The following RASA3 variants were observed in gnomAD, a reference collection of about 807,000 sequenced individuals.
The protein encoded by RASA3 is ras GTPase-activating protein 3.
In RASA3, 73 loss-of-function variants were observed where a neutral mutation model predicts 110.0. That is an observed-to-expected ratio of 0.66 (90% CI 0.55 to 0.81). The LOEUF (loss-of-function observed/expected upper bound fraction) is 0.81. RASA3 is among the 30% of genes least tolerant of loss of function. The pLI is 0.00. For missense variants in RASA3, 976 were observed against 1,113.2 expected (o/e 0.88, Z 1.75); for synonymous variants, 500 against 451.4 (o/e 1.11, Z -1.37).
At chr13:114,040,875 C>T (rs1460624500) in intron 4 of RASA3, 125 bp downstream of exon 4, 3 of 879,776 alleles carry the variant, frequency 3.4e-6, no homozygotes, top group Non-Finnish European at 5.4e-6. Context: ...GCAATCTGCT[C>T]ATCGTTATTC....
chr13:114,119,208 G>A (rs2080333063), intron 1 of RASA3, among the ~76,000 whole-genome samples: 1 of 152,202 alleles, frequency 6.6e-6, no homozygotes, highest in African/African-American at 2.4e-5. Context: ...AATGTAGTGA[G>A]AAGTGTTTTT....
At chr13:114,040,283 A>C (rs1295830766) in intron 4 of RASA3, among the ~76,000 whole-genome samples, 1 of 151,752 alleles carries the variant, frequency 6.6e-6, no homozygotes, top group Non-Finnish European at 1.5e-5. Flanking sequence ...CGCCCAACCC[A>C]AAATCCATGG....
chr13:114,110,926 T>C (rs1487688380), intron 1 of RASA3, among the ~76,000 whole-genome samples: 1 of 152,046 alleles, frequency 6.6e-6, no homozygotes, highest in Non-Finnish European at 1.5e-5. Flanking sequence ...GGTCGGGGGC[T>C]GAGCCACGCT....
chr13:113,982,511 G>C (rs533086776), intron 22 of RASA3, among the ~76,000 whole-genome samples: 1 of 152,244 alleles, frequency 6.6e-6, no homozygotes, highest in African/African-American at 2.4e-5. Flanking sequence ...CGCCCCTAGC[G>C]GACAGCCATG....
chr13:114,104,994 CG>C (rs560200999), intron 1 of RASA3, among the ~76,000 whole-genome samples: 1 of 152,060 alleles, frequency 6.6e-6, no homozygotes, highest in Admixed American at 6.5e-5. Flanking sequence ...CCCAGGCTCT[CG>C]GCCCCCCGAG....
chr13:114,111,245 C>G (rs1423553519), intron 1 of RASA3, among the ~76,000 whole-genome samples: 1 of 10,302 alleles, frequency 9.7e-5, no homozygotes, highest in African/African-American at 2.8e-4. Flanking sequence ...CGAGTTCTAA[C>G]GGGCTGAGCC....
chr13:114,055,231 A>G (rs894035219), intron 2 of RASA3, among the ~76,000 whole-genome samples: 1 of 152,234 alleles, frequency 6.6e-6, no homozygotes, highest in Non-Finnish European at 1.5e-5. Context: ...GCATGTGTGC[A>G]TGTTCATGCG....
rs970333503 is a variant in RASA3, at chr13:113,979,176, C to G, written c.*171G>C. 4.8e-6 allele frequency: 3 copies of G among 630,004 alleles called. No homozygotes were observed. The highest frequency in any genetic ancestry group is 8.4e-6 in the Non-Finnish European group (3 of 355,254). The allele number at this position is 630,004 out of a possible 1,614,324, so 39.0% of individuals were successfully genotyped here. The stretch of plus-strand genomic sequence containing the variant: ...GGTGGGCTTTCTGCGGAGGGCGTGG[C>G]GGTGGTGGCAGCGGTTCTGGGAGAG... On this transcript the variant is annotated 3_prime_UTR_variant, in exon 24 of 24. Coordinates refer to ENST00000334062, the MANE Select transcript of RASA3 (RefSeq NM_007368.4).
chr13:114,104,564 G>A (rs1162428923), intron 1 of RASA3, among the ~76,000 whole-genome samples: 1 of 152,168 alleles, frequency 6.6e-6, no homozygotes. Flanking sequence ...TACAGGGCGA[G>A]CATCCGATGC....
intron 18 of RASA3, among the ~76,000 whole-genome samples, chr13:114,004,673 G>A (rs567448955): frequency 1.3e-5 from 2 of 152,202 alleles, no homozygotes; most frequent in Non-Finnish European, 2.9e-5. Flanking sequence ...GGACGTGAGC[G>A]CTTGCACGCT....
chr13:114,113,978 C>T (rs1207091836), intron 1 of RASA3, among the ~76,000 whole-genome samples: 1 of 124,168 alleles, frequency 8.1e-6, no homozygotes, highest in Non-Finnish European at 1.7e-5. Flanking sequence ...CCCACCATGG[C>T]GAGTGATGTC....
intron 1 of RASA3, among the ~76,000 whole-genome samples, chr13:114,102,597 G>A (rs1257789793): frequency 6.6e-6 from 1 of 152,202 alleles, no homozygotes; most frequent in Non-Finnish European, 1.5e-5. Flanking sequence ...CCATTTTGCA[G>A]GAGAAGATGC....
At chr13:114,064,387 C>G (rs779857488) in intron 2 of RASA3, among the ~76,000 whole-genome samples, 15 of 152,186 alleles carry the variant, frequency 9.9e-5, no homozygotes, top group African/African-American at 3.4e-4. Flanking sequence ...AGCTTTCCCC[C>G]CTATGCTGTT....
chr13:114,097,967 G>A (rs2079967674), intron 1 of RASA3, among the ~76,000 whole-genome samples: 1 of 152,198 alleles, frequency 6.6e-6, no homozygotes, highest in South Asian at 2.1e-4. Flanking sequence ...GCGAGAGAGT[G>A]GATACCCCTG....
chr13:114,057,402 C>T lies in RASA3; in HGVS notation c.174-5247G>A, dbSNP rs971743139. On this transcript the variant is annotated intron_variant, in intron 2 of 23. Coordinates refer to ENST00000334062, the MANE Select transcript of RASA3 (RefSeq NM_007368.4). This position sits in a 1 kb window ranked among gnomAD's most constrained non-coding sequence, Gnocchi z 5.0. ...TGCAGGGCAGTGGGGTCCGGAGAGG[C>T]GGCCGTGCTACAGGCCTTGCACTCA... 1 of 985,336 alleles carries T rather than the reference C, an allele frequency of 1.0e-6. No individual in the cohort carries two copies. Among genetic ancestry groups the T allele is most frequent in the Non-Finnish European group, 1.2e-6 (1 of 829,910 alleles). The allele number at this position is 985,336 out of a possible 1,614,324, so 61.0% of individuals were successfully genotyped here.
intron 4 of RASA3, among the ~76,000 whole-genome samples, chr13:114,030,411 G>GGGC (rs2054129901): frequency 1.7e-5 from 1 of 59,862 alleles, no homozygotes; most frequent in African/African-American, 5.6e-5. Flanking sequence ...CTCACGCAGA[G>GGGC]AGCAAGACTC....
chr13:114,012,996 CTCCCCACTCACTCCTGAT>C (rs1365887089), intron 15 of RASA3, 128 bp downstream of exon 15: 1 of 634,030 alleles, frequency 1.6e-6, no homozygotes, highest in African/African-American at 1.8e-5. Flanking sequence ...TCCACACACA[CTCCCCACTCACTCCTGAT>C]TCCTCACACA....
At chr13:114,089,487 T>C (rs2079864672) in intron 1 of RASA3, among the ~76,000 whole-genome samples, 1 of 151,818 alleles carries the variant, frequency 6.6e-6, no homozygotes, top group African/African-American at 2.4e-5. Flanking sequence ...GAAGGTGCTG[T>C]CTGATCCAGC....
chr13:114,028,674 G>A (rs2054084013), intron 5 of RASA3, among the ~76,000 whole-genome samples: 2 of 125,804 alleles, frequency 1.6e-5, no homozygotes, highest in Non-Finnish European at 3.4e-5. Context: ...CTCTAAAACA[G>A]TGTCATCCTG....
Sources: allele counts gnomAD v4.1 joint callset (sites outside exome capture counted in the v4.1 genomes callset), GRCh38; gene constraint gnomAD v4.1.1; non-coding constraint Gnocchi (gnomAD v3.1); transcripts MANE v1.5; gene names NCBI Gene and HGNC (gene_info 2026-07-23, HGNC 2026-07-21).